Variants in PACRGL observed in about 807,000 individuals in gnomAD.
The protein encoded by PACRGL is parkin coregulated like.
Under a neutral mutation model 34.5 loss-of-function variants are expected in PACRGL, and 38 were observed. The ratio of observed to expected loss-of-function variants is 1.10; its 90% CI spans 0.85 to 1.44. The LOEUF is 1.44. Ranked by LOEUF, PACRGL falls within the 40% of genes most tolerant of loss-of-function variation. The probability of loss-of-function intolerance (pLI) is 0.00; values close to 1 mark genes in which losing one functional copy is unlikely to be tolerated. For missense variants in PACRGL, 305 were observed against 281.4 expected (o/e 1.08, Z -0.60); for synonymous variants, 128 against 100.1 (o/e 1.28, Z -1.66).
chr4:20,758,987 G>T, the PACRGL span: 1 of 854,428 alleles, frequency 1.2e-6, no homozygotes, highest in Non-Finnish European at 1.9e-6. Flanking sequence ...ATGCAAAGCT[G>T]CACCAAGAAA....
chr4:20,745,134 C>T (rs183305450), intron 8 of PACRGL, among the ~76,000 whole-genome samples: 1 of 152,304 alleles, frequency 6.6e-6, no homozygotes, highest in East Asian at 1.9e-4. Context: ...CCTCTTCTTG[C>T]AGCCCTACAG....
chr4:20,709,237 C>T (rs906929729), intron 4 of PACRGL, among the ~76,000 whole-genome samples: 3 of 152,186 alleles, frequency 2.0e-5, no homozygotes, highest in African/African-American at 7.2e-5. Flanking sequence ...CAGTTTTCTT[C>T]TCTTTAACAG....
At chr4:20,707,922 A>G (rs1224417981) in intron 4 of PACRGL, 52 bp downstream of exon 4, 2 of 1,274,152 alleles carry the variant, frequency 1.6e-6, no homozygotes, top group Non-Finnish European at 2.3e-6. Flanking sequence ...TCATTGAGTA[A>G]AATGAATACA....
At chr4:20,717,355 A>G (rs1740621405) in intron 7 of PACRGL, among the ~76,000 whole-genome samples, 1 of 152,220 alleles carries the variant, frequency 6.6e-6, no homozygotes, top group Non-Finnish European at 1.5e-5. Flanking sequence ...CCAGTTGTCA[A>G]TTTTGGCTTT....
chr4:20,709,694 G>A lies in PACRGL; in HGVS notation c.287G>A (p.Gly96Asp). ...CTTTTATATTTTAGATTGGTACATGGTTCAGTAAAACACAGATTACAGTGG... is the reference window on the plus strand; with the variant it reads ...CTTTTATATTTTAGATTGGTACATGATTCAGTAAAACACAGATTACAGTGG... ...KGGIPCRLVH[G>D]SVKHRLQWEC... The change falls in exon 5 of 9, where the codon GGT (glycine) becomes GAT (aspartate). Residue 96 changes from glycine to aspartate, a missense_variant. By Grantham distance (94) the Gly-to-Asp change is moderately conservative (BLOSUM62 -1). Transcript: ENST00000503585. 6.2e-7 allele frequency: 1 copy of A among 1,600,990 alleles called. No individual in the cohort carries two copies.
At chr4:20,702,424 A>C (rs1732597635) in intron 1 of PACRGL, among the ~76,000 whole-genome samples, 1 of 152,136 alleles carries the variant, frequency 6.6e-6, no homozygotes, top group Non-Finnish European at 1.5e-5. Context: ...AAATGACAAA[A>C]CATGTGGTTT....
chr4:20,735,657 C>T (rs1332090734), downstream of PACRGL, among the ~76,000 whole-genome samples: 1 of 151,836 alleles, frequency 6.6e-6, no homozygotes, highest in Non-Finnish European at 1.5e-5. Context: ...CTGCCTCAGC[C>T]TCCCGAGTAG....
At chr4:20,725,987 A>G (rs552437163) in intron 8 of PACRGL, among the ~76,000 whole-genome samples, 2 of 152,120 alleles carry the variant, frequency 1.3e-5, no homozygotes, top group African/African-American at 4.8e-5. Context: ...TTAAATGCAA[A>G]ATATATTTCT....
intron 8 of PACRGL, among the ~76,000 whole-genome samples, chr4:20,725,165 C>A (rs1745100152): frequency 6.6e-6 from 1 of 152,100 alleles, no homozygotes; most frequent in Admixed American, 6.6e-5. Context: ...CGCAGTGGTA[C>A]AGTTTTTTTC....
At chr4:20,758,161 A>G in the PACRGL span, among the ~76,000 whole-genome samples, 1 of 152,292 alleles carries the variant, frequency 6.6e-6, no homozygotes, top group Non-Finnish European at 1.5e-5. Flanking sequence ...AAGAAAAACT[A>G]TAAGGTCCAA....
At chr4:20,702,798 T>G (rs1732768442) in intron 1 of PACRGL, 1 of 152,262 alleles carries the variant, frequency 6.6e-6, no homozygotes, top group Non-Finnish European at 1.5e-5. Context: ...TCTGACAACT[T>G]TAATGAGATT....
chr4:20,720,444 G>A (rs1188397902), intron 7 of PACRGL, among the ~76,000 whole-genome samples: 1 of 152,110 alleles, frequency 6.6e-6, no homozygotes, highest in African/African-American at 2.4e-5. Context: ...TTACAATTTG[G>A]CTTGTTTTTG....
intron 7 of PACRGL, among the ~76,000 whole-genome samples, chr4:20,714,224 G>T (rs1340086003): frequency 6.6e-6 from 1 of 152,172 alleles, no homozygotes; most frequent in African/African-American, 2.4e-5. Context: ...AGCTCTTCTT[G>T]TTGAATTGAT....
At chr4:20,748,529 C>G (rs943817391) in intron 8 of PACRGL, among the ~76,000 whole-genome samples, 3 of 145,404 alleles carry the variant, frequency 2.1e-5, no homozygotes, top group African/African-American at 7.6e-5. Context: ...CATCCTTCCT[C>G]ACTTCCAAAA....
rs550393164 is a variant in PACRGL, at chr4:20,738,695, T to C, written c.*56+11298T>C. Among the ~76,000 whole-genome samples, 4 of 152,312 alleles carry C rather than the reference T, an allele frequency of 2.6e-5. No individual in the cohort carries two copies. The East Asian group carries it at 7.7e-4, about 29-fold the overall frequency. On this transcript the variant is annotated intron_variant, in intron 8 of 8. Coordinates refer to the PACRGL transcript ENST00000507634. ...ATGAGCAACGCAGAAGATGGGTGAT[T>C]TCTGCATTTCCAACTGAGGTACCAG...
chr4:20,751,057 G>A (rs895337094), intron 8 of PACRGL, among the ~76,000 whole-genome samples: 19 of 152,076 alleles, frequency 1.2e-4, no homozygotes, highest in African/African-American at 3.6e-4. Flanking sequence ...TGTTTTTCCC[G>A]AATGCTTCAG....
intron 7 of PACRGL, 112 bp downstream of exon 7, chr4:20,713,651 T>C (rs538477038): frequency 2.5e-6 from 2 of 794,384 alleles, no homozygotes; most frequent in Admixed American, 4.7e-5. Flanking sequence ...AAAATCTCCC[T>C]CTACACACTG....
intron 8 of PACRGL, among the ~76,000 whole-genome samples, chr4:20,741,914 A>G (rs983141208): frequency 9.9e-5 from 15 of 152,210 alleles, no homozygotes; most frequent in African/African-American, 3.6e-4. Flanking sequence ...CAGAAATACA[A>G]ACTACCATCA....
At chr4:20,703,839 A>G (rs1308577919) in intron 1 of PACRGL, among the ~76,000 whole-genome samples, 1 of 152,156 alleles carries the variant, frequency 6.6e-6, no homozygotes, top group Non-Finnish European at 1.5e-5. Flanking sequence ...TTTCTTTCTC[A>G]TCACGTGTAG....
Sources: allele counts gnomAD v4.1 joint callset (sites outside exome capture counted in the v4.1 genomes callset), GRCh38; gene constraint gnomAD v4.1.1; transcripts MANE v1.5; gene names NCBI Gene and HGNC (gene_info 2026-07-23, HGNC 2026-07-21).